Variants in HBEGF observed in about 807,000 individuals in gnomAD.
The protein encoded by HBEGF is heparin binding EGF like growth factor.
A neutral mutation model predicts 19.5 loss-of-function variants in HBEGF; 8 were observed. The ratio of observed to expected loss-of-function variants is 0.41; its 90% CI spans 0.24 to 0.74. The LOEUF (loss-of-function observed/expected upper bound fraction) is 0.74. Among genes scored for constraint, HBEGF ranks in the 30% least tolerant of loss-of-function variants. The probability of loss-of-function intolerance (pLI) is 0.32; values close to 1 mark genes in which losing one functional copy is unlikely to be tolerated. For synonymous variants in HBEGF, 97 were observed against 108.9 expected, an observed-to-expected ratio of 0.89 and a Z score of 0.68; for missense variants, 207 against 256.9, an observed-to-expected ratio of 0.81 and a Z score of 1.33.
rs555479094 is a variant in HBEGF at position 140,336,197 on chromosome 5, C to A, written c.399-170G>T. The stretch of plus-strand genomic sequence containing the variant: ...TCCTCTAGTAGAAAACTCTTTAAAG[C>A]CCCTCTGAAAGCTCTGTAGCATTCC... On this transcript the variant is annotated intron_variant, in intron 3 of 5. Transcript: ENST00000230990. Among the ~76,000 whole-genome samples, 7 of 152,278 alleles carry A rather than the reference C, an allele frequency of 4.6e-5. No homozygotes were observed. In the East Asian group the frequency reaches 1.4e-3, roughly 29 times the overall value.
rs1766200172 is a variant in HBEGF at position 140,334,643 on chromosome 5, A to C, written c.*18+15T>G. 1.4e-5 allele frequency: 22 copies of C among 1,527,264 alleles called. No individual in the cohort carries two copies. Among genetic ancestry groups the C allele is most frequent in the Non-Finnish European group, 1.9e-5 (21 of 1,100,758 alleles). 94.6% of individuals were successfully genotyped at this position (1,527,264 alleles called of 1,614,324 possible). A position where few individuals can be genotyped will look rare whatever the true frequency, so the allele number is the denominator to read the frequency against. On this transcript the variant is annotated intron_variant, in intron 5 of 5. Coordinates refer to ENST00000230990, the MANE Select transcript of HBEGF (RefSeq NM_001945.3). ...AAAGGATAATCATGTCATGGGGCAA[A>C]GGATGGAGCGTTACCTTGAGCACAA...
chr5:140,345,806 A>C (rs1766387235), intron 2 of HBEGF, 105 bp downstream of exon 2: 1 of 1,404,658 alleles, frequency 7.1e-7, no homozygotes, highest in Non-Finnish European at 9.9e-7. Flanking sequence ...GAGGTTCTCC[A>C]TGAATACCCT....
intron 3 of HBEGF, among the ~76,000 whole-genome samples, chr5:140,338,469 G>A (rs4150225): frequency 0.048 from 7,274 of 152,254 alleles, 478 homozygotes; most frequent in African/African-American, 0.15. Context: ...GAGGAGGGAA[G>A]CTGAAGTTGA....
In HBEGF at chr5:140,346,176, G is replaced by GC; in HGVS notation, c.47-93dup. 6.4e-7 allele frequency: 1 copy of GC among 1,558,530 alleles called. No individual in the cohort carries two copies. The highest frequency in any genetic ancestry group is 8.7e-7 in the Non-Finnish European group (1 of 1,152,650). On this transcript the variant is annotated intron_variant, in intron 1 of 5. Coordinates refer to ENST00000230990, the MANE Select transcript of HBEGF (RefSeq NM_001945.3). This position sits in a 1 kb window ranked among gnomAD's most constrained non-coding sequence, Gnocchi z 6.1. ...GACGCCCGTCCGCCAGAGCGCAAGG[G>GC]CCCCACCAAGTGGCCCGTGCCGGGT... is the stretch of plus-strand genomic sequence containing the variant.
At chr5:140,335,822 A>T in intron 4 of HBEGF, 50 bp downstream of exon 4, 1 of 1,593,496 alleles carries the variant, frequency 6.3e-7, no homozygotes, top group Non-Finnish European at 8.6e-7. Context: ...AGGAGGAGGA[A>T]GAAAGGGAGT....
At chr5:140,341,988 A>T (rs1397639970) in intron 3 of HBEGF, among the ~76,000 whole-genome samples, 1 of 152,200 alleles carries the variant, frequency 6.6e-6, no homozygotes, top group Non-Finnish European at 1.5e-5. Context: ...CTAATGGGTC[A>T]GGTTCCATTT....
At chr5:140,336,921 C>T (rs1007993433) in intron 3 of HBEGF, among the ~76,000 whole-genome samples, 9 of 151,242 alleles carry the variant, frequency 6.0e-5, no homozygotes, top group East Asian at 1.9e-4. Context: ...CCCCTACCTC[C>T]GGATTCAAGT....
chr5:140,341,659 G>A (rs752195588), intron 3 of HBEGF, among the ~76,000 whole-genome samples: 5 of 152,208 alleles, frequency 3.3e-5, no homozygotes, highest in South Asian at 2.1e-4. Flanking sequence ...TGCCAGGCAC[G>A]CCGCCTTCTT....
At position 140,333,966 on chromosome 5, in the gene HBEGF, A is replaced by T. The variant is rs1000131839; in HGVS notation, c.*333T>A. The T allele has an allele frequency of 6.6e-6, 1 of 152,224 alleles. No individual in the cohort carries two copies. Among genetic ancestry groups the T allele is most frequent in the Non-Finnish European group, 1.5e-5 (1 of 67,994 alleles). 9.4% of individuals were successfully genotyped at this position (152,224 alleles called of 1,614,324 possible). ...TTTTTTCAGTCAAAGATCCTGGAGC[A>T]TATGGAATTTAACCGGCATTCTAAT... On this transcript the variant is annotated 3_prime_UTR_variant, in exon 6 of 6. Coordinates refer to ENST00000230990, the MANE Select transcript of HBEGF (RefSeq NM_001945.3).
intron 3 of HBEGF, among the ~76,000 whole-genome samples, chr5:140,340,405 C>T (rs1361671901): frequency 6.6e-6 from 1 of 151,606 alleles, no homozygotes; most frequent in Non-Finnish European, 1.5e-5. Flanking sequence ...CACGGCAAAA[C>T]TACGTCTCTA....
chr5:140,337,979 G>T (rs1766253475), intron 3 of HBEGF, among the ~76,000 whole-genome samples: 1 of 152,186 alleles, frequency 6.6e-6, no homozygotes, highest in Non-Finnish European at 1.5e-5. Context: ...AGATGGAAAA[G>T]CTAAGATTAA....
intron 3 of HBEGF, among the ~76,000 whole-genome samples, chr5:140,340,805 C>A (rs1311665799): frequency 6.6e-6 from 1 of 152,080 alleles, no homozygotes. Flanking sequence ...AAGCCAACAC[C>A]CAGTACAGCT....
intron 3 of HBEGF, among the ~76,000 whole-genome samples, chr5:140,341,087 A>C (rs1373658450): frequency 1.3e-5 from 2 of 152,164 alleles, no homozygotes; most frequent in Non-Finnish European, 2.9e-5. Flanking sequence ...ATATATAAAC[A>C]CTGAAACTCT....
intron 3 of HBEGF, among the ~76,000 whole-genome samples, chr5:140,340,427 A>C (rs981618599): frequency 6.6e-6 from 1 of 151,990 alleles, no homozygotes; most frequent in African/African-American, 2.4e-5. Context: ...TAAAAATATA[A>C]AAATTATTAA....
chr5:140,344,357 TG>T (rs1289980144), intron 2 of HBEGF, among the ~76,000 whole-genome samples: 2 of 152,156 alleles, frequency 1.3e-5, no homozygotes, highest in Non-Finnish European at 2.9e-5. Flanking sequence ...TCCATAGACC[TG>T]TGCTCCAATT....
chr5:140,343,185 T>G (rs752326142), intron 2 of HBEGF: 1 of 201,332 alleles, frequency 5.0e-6, no homozygotes, highest in Non-Finnish European at 1.0e-5. Context: ...TTCATTCTAT[T>G]TTGGCCTTCA....
At chr5:140,343,070 C>T in intron 2 of HBEGF, 1 of 449,576 alleles carries the variant, frequency 2.2e-6, no homozygotes, top group South Asian at 3.8e-5. Flanking sequence ...TGTGTAAGAG[C>T]CTCATTCTCA....
chr5:140,342,841 C>A, intron 2 of HBEGF, 29 bp from the exon 3 acceptor site: 1 of 1,611,086 alleles, frequency 6.2e-7, no homozygotes, highest in Middle Eastern at 1.7e-4. Context: ...CTGTTAAAGT[C>A]TGACTCTTTG....
At chr5:140,340,864 G>A (rs1024701316) in intron 3 of HBEGF, among the ~76,000 whole-genome samples, 2 of 152,186 alleles carry the variant, frequency 1.3e-5, no homozygotes, top group East Asian at 1.9e-4. Flanking sequence ...CTGAGACTCT[G>A]TCTTATTTCC....
Sources: gnomAD v4.1 joint callset for allele counts (sites outside exome capture counted in the v4.1 genomes callset) on GRCh38, gnomAD v4.1.1 for gene constraint, Gnocchi (gnomAD v3.1) non-coding constraint, MANE v1.5 for transcripts, NCBI Gene and HGNC (gene_info 2026-07-23, HGNC 2026-07-21) for gene names.